Variants in FOXP1 observed in about 807,000 individuals in gnomAD.
FOXP1 encodes forkhead box protein P1.
A neutral mutation model predicts 98.2 loss-of-function variants in FOXP1; 15 were observed. That is an observed-to-expected ratio of 0.15 (90% CI 0.10 to 0.24). The LOEUF (loss-of-function observed/expected upper bound fraction) is 0.24, where lower values mean the gene tolerates loss of function less well. Among genes scored for constraint, FOXP1 ranks in the 10% least tolerant of loss-of-function variants. The pLI, the probability that FOXP1 is intolerant of heterozygous loss-of-function variation, is 1.00. For synonymous variants in FOXP1, 371 were observed against 314.5 expected, an observed-to-expected ratio of 1.18 and a Z score of -1.90; for missense variants, 633 against 848.5, an observed-to-expected ratio of 0.75 and a Z score of 3.15.
At chr3:71,449,788 G>T (rs2086770151) in intron 3 of FOXP1, among the ~76,000 whole-genome samples, 1 of 152,054 alleles carries the variant, frequency 6.6e-6, no homozygotes, top group Non-Finnish European at 1.5e-5. Context: ...TTTTTTAAGG[G>T]GCTGTTTATA....
intron 3 of FOXP1, among the ~76,000 whole-genome samples, chr3:71,397,964 G>C (rs2081659575): frequency 6.6e-6 from 1 of 152,148 alleles, no homozygotes; most frequent in African/African-American, 2.4e-5. Context: ...AGAGAGTGGG[G>C]AAAGAGAGAG....
At chr3:71,308,772 T>C (rs1333968705) in intron 4 of FOXP1, among the ~76,000 whole-genome samples, 1 of 139,438 alleles carries the variant, frequency 7.2e-6, no homozygotes, top group Non-Finnish European at 1.6e-5. Flanking sequence ...TGTGTGTGTG[T>C]GTGTGTGTGT....
intron 11 of FOXP1, among the ~76,000 whole-genome samples, chr3:71,017,327 G>C (rs1200025108): frequency 6.6e-6 from 1 of 151,864 alleles, no homozygotes; most frequent in Non-Finnish European, 1.5e-5. Context: ...AGAATTCTCA[G>C]ATATTCTAAG....
chr3:71,554,328 G>A (rs374358460), intron 2 of FOXP1, among the ~76,000 whole-genome samples: 1 of 152,150 alleles, frequency 6.6e-6, no homozygotes, highest in African/African-American at 2.4e-5. Context: ...ATTCCAGCCT[G>A]GGTGACAGAG....
At chr3:71,440,610 C>G (rs2085839193) in intron 3 of FOXP1, among the ~76,000 whole-genome samples, 1 of 151,660 alleles carries the variant, frequency 6.6e-6, no homozygotes, top group African/African-American at 2.4e-5. Context: ...GCAGAAGAAT[C>G]ACTTGAACCC....
chr3:71,351,733 A>AC (rs1453323678), intron 4 of FOXP1, among the ~76,000 whole-genome samples: 3 of 152,136 alleles, frequency 2.0e-5, no homozygotes, highest in Non-Finnish European at 4.4e-5. Context: ...TGGGAGGGAG[A>AC]CCCTCTCACT....
At chr3:71,391,321 G>A (rs2081011965) in intron 3 of FOXP1, among the ~76,000 whole-genome samples, 1 of 152,116 alleles carries the variant, frequency 6.6e-6, no homozygotes, top group Non-Finnish European at 1.5e-5. Context: ...TTAGACATAG[G>A]TTGAAAAATC....
intron 3 of FOXP1, among the ~76,000 whole-genome samples, chr3:71,395,003 G>C (rs1232836083): frequency 6.6e-6 from 1 of 150,964 alleles, no homozygotes; most frequent in Non-Finnish European, 1.5e-5. Flanking sequence ...GGGAGGCTGA[G>C]GCAGGAGAAT....
intron 11 of FOXP1, among the ~76,000 whole-genome samples, chr3:71,035,983 A>AG (rs1037752670): frequency 1.2e-4 from 19 of 152,218 alleles, no homozygotes; most frequent in African/African-American, 4.3e-4. Context: ...AGTTTAAAAA[A>AG]GAAAAAAAAA....
intron 4 of FOXP1, among the ~76,000 whole-genome samples, chr3:71,356,434 C>T (rs1453381799): frequency 6.6e-6 from 1 of 152,016 alleles, no homozygotes; most frequent in Admixed American, 6.6e-5. Flanking sequence ...GCGAAACATG[C>T]GTCATCTATC....
rs1190507580 is a variant in FOXP1 at position 71,425,567 on chromosome 3, T to A, written c.-167-66323A>T. Among the ~76,000 whole-genome samples, 12 of 152,160 alleles carry A rather than the reference T, an allele frequency of 7.9e-5. No homozygotes were observed. The East Asian group carries it at 2.3e-3, about 29-fold the overall frequency. The stretch of plus-strand genomic sequence containing the variant: ...GGTGTATAACCGTCTCCTCAGCTCC[T>A]GGCAGAGTCCCTGGCAAAATAAATG... On this transcript the variant is annotated intron_variant, in intron 3 of 20. Coordinates refer to ENST00000649528, the MANE Select transcript of FOXP1 (RefSeq NM_001349338.3).
intron 5 of FOXP1, among the ~76,000 whole-genome samples, chr3:71,266,251 G>C (rs982525465): frequency 6.7e-6 from 1 of 148,850 alleles, no homozygotes; most frequent in African/African-American, 2.4e-5. Flanking sequence ...TTTTAAATTT[G>C]TTTATTTTTT....
chr3:71,192,591 T>A (rs145636030), intron 6 of FOXP1, among the ~76,000 whole-genome samples: 81 of 152,348 alleles, frequency 5.3e-4, no homozygotes, highest in African/African-American at 1.8e-3. Flanking sequence ...CAAAAACTAA[T>A]GAAGGGATGG....
At chr3:71,224,855 T>A (rs772546064) in intron 5 of FOXP1, among the ~76,000 whole-genome samples, 1 of 152,224 alleles carries the variant, frequency 6.6e-6, no homozygotes, top group Non-Finnish European at 1.5e-5. Context: ...TCTAACATGA[T>A]AATGTAGGCA....
intron 12 of FOXP1, among the ~76,000 whole-genome samples, chr3:71,014,899 C>A (rs141003364): frequency 6.6e-6 from 1 of 151,930 alleles, no homozygotes; most frequent in Non-Finnish European, 1.5e-5. Context: ...GGACAGAAAA[C>A]CAAACACCGC....
intron 5 of FOXP1, chr3:71,245,222 C>T (rs2067637469): frequency 6.6e-6 from 1 of 152,160 alleles, no homozygotes; most frequent in Non-Finnish European, 1.5e-5. Context: ...GGCTTGGCCT[C>T]CTCTGACGGG....
intron 2 of FOXP1, among the ~76,000 whole-genome samples, chr3:71,522,457 A>G (rs1320436348): frequency 6.6e-6 from 1 of 152,176 alleles, no homozygotes; most frequent in Non-Finnish European, 1.5e-5. Flanking sequence ...TGGATTCAGA[A>G]AGGCTTGAGT....
At chr3:71,526,044 CCAGGAGA>C (rs1272240833) in intron 2 of FOXP1, among the ~76,000 whole-genome samples, 2 of 152,102 alleles carry the variant, frequency 1.3e-5, no homozygotes, top group Non-Finnish European at 2.9e-5. Context: ...CTGCTTGAAT[CCAGGAGA>C]CAGAATTTGC....
chr3:71,496,115 G>C (rs1434719081), intron 2 of FOXP1, among the ~76,000 whole-genome samples: 1 of 152,130 alleles, frequency 6.6e-6, no homozygotes, highest in Non-Finnish European at 1.5e-5. Context: ...TTCAAAGATG[G>C]CAGCTAACTT....
Sources: allele counts gnomAD v4.1 joint callset (sites outside exome capture counted in the v4.1 genomes callset), GRCh38; gene constraint gnomAD v4.1.1; transcripts MANE v1.5; gene names NCBI Gene and HGNC (gene_info 2026-07-23, HGNC 2026-07-21).